The following GRM7 variants were observed in gnomAD, a reference collection of about 807,000 sequenced individuals.
GRM7 encodes metabotropic glutamate receptor 7.
A neutral mutation model predicts 84.5 loss-of-function variants in GRM7; 35 were observed. The ratio of observed to expected loss-of-function variants is 0.41; its 90% confidence interval spans 0.32 to 0.55. GRM7 has a LOEUF of 0.55. GRM7 is among the 20% of genes least tolerant of loss of function. The probability of loss-of-function intolerance (pLI) is 0.19; values close to 1 mark genes in which losing one functional copy is unlikely to be tolerated. For synonymous variants in GRM7, 487 were observed against 455.1 expected (o/e 1.07, Z -0.89); for missense variants, 1,003 against 1,194.6 (o/e 0.84, Z 2.36).
intron 1 of GRM7, among the ~76,000 whole-genome samples, chr3:7,005,974 G>T (rs1295976033): frequency 1.3e-5 from 2 of 152,080 alleles, no homozygotes; most frequent in African/African-American, 2.4e-5. Flanking sequence ...GTAACGAAGG[G>T]GATATAGCCA....
intron 8 of GRM7, among the ~76,000 whole-genome samples, chr3:7,606,548 G>T (rs545643322): frequency 2.0e-5 from 3 of 151,838 alleles, no homozygotes; most frequent in African/African-American, 7.3e-5. Flanking sequence ...TTTCTTTTTG[G>T]GGGGACAAGG....
rs1693091856 is a variant in GRM7 at position 7,117,936 on chromosome 3, T to C, written c.520-28516T>C. Among the ~76,000 whole-genome samples, 3 of 152,308 alleles carry C rather than the reference T, an allele frequency of 2.0e-5. No homozygotes were observed. In the South Asian group the frequency reaches 6.2e-4, roughly 32 times the overall value. On this transcript the variant is annotated intron_variant, in intron 1 of 9. Coordinates refer to ENST00000357716, the MANE Select transcript of GRM7 (RefSeq NM_000844.4). ...CATCTGAAGAACTATAGGACCATTTTGGTTTATCTTTTATCAAGTTCTGGG... is the reference window on the plus strand; with the variant it reads ...CATCTGAAGAACTATAGGACCATTTCGGTTTATCTTTTATCAAGTTCTGGG...
chr3:7,051,266 C>A (rs115656981), intron 1 of GRM7, among the ~76,000 whole-genome samples: 167 of 151,830 alleles, frequency 1.1e-3, no homozygotes, highest in African/African-American at 3.9e-3. Context: ...CTCATTTGAT[C>A]CTCACCACAG....
chr3:7,257,314 G>T (rs116606192), intron 2 of GRM7, among the ~76,000 whole-genome samples: 1,883 of 152,218 alleles, frequency 0.012, 43 homozygotes, highest in African/African-American at 0.043. Context: ...CACCCAGAAA[G>T]TTATTCTTGG....
At position 7,329,184 on chromosome 3, in the gene GRM7, C is replaced by T. The variant is rs146607711; in HGVS notation, c.1033+22532C>T. ...CCACAAAATCACTAGAGGAACATTC[C>T]GATGACAAATTTTCTCCTAAACCTT... On this transcript the variant is annotated intron_variant, in intron 4 of 9. Transcript: ENST00000357716. 7.9e-5 allele frequency among the ~76,000 whole-genome samples: 12 copies of T among 152,198 alleles called. 1 individual carries two copies. The highest frequency in any genetic ancestry group is 1.2e-4 in the African/African-American group (5 of 41,530).
intron 7 of GRM7, among the ~76,000 whole-genome samples, chr3:7,574,273 C>T (rs1163978280): frequency 6.6e-6 from 1 of 151,608 alleles, no homozygotes; most frequent in Non-Finnish European, 1.5e-5. Context: ...AATTCTCCTG[C>T]CTCAGCCTCC....
intron 1 of GRM7, among the ~76,000 whole-genome samples, chr3:6,891,331 T>C (rs537780395): frequency 6.6e-6 from 1 of 152,360 alleles, no homozygotes; most frequent in African/African-American, 2.4e-5. Context: ...CTGGCCTCGA[T>C]GGTCTTTACA....
rs59791922 is a variant in GRM7, at chr3:7,485,857, C to T, written c.1515+24135C>T. The stretch of plus-strand genomic sequence containing the variant: ...TGGATTAATAATTCATGTTCACAAA[C>T]TCTGTTCACATGTAAGAGTCAAGCT... On this transcript the variant is annotated intron_variant, in intron 7 of 9. Transcript: ENST00000357716. Among the ~76,000 whole-genome samples, 860 of 150,026 alleles carry T rather than the reference C, an allele frequency of 5.7e-3. 8 individuals carry two copies. The highest frequency in any genetic ancestry group is 0.021 in the African/African-American group (829 of 39,410).
chr3:7,024,503 G>A (rs1695902823), intron 1 of GRM7, among the ~76,000 whole-genome samples: 1 of 152,216 alleles, frequency 6.6e-6, no homozygotes, highest in South Asian at 2.1e-4. Flanking sequence ...TGTTTGAACT[G>A]GGCCTTGAAG....
chr3:7,339,479 A>G (rs1054952053), intron 4 of GRM7, among the ~76,000 whole-genome samples: 4 of 152,152 alleles, frequency 2.6e-5, no homozygotes, highest in Non-Finnish European at 4.4e-5. Context: ...GATAGAATCT[A>G]TAACACTCCC....
chr3:7,185,550 A>G (rs896285868), intron 2 of GRM7, among the ~76,000 whole-genome samples: 3 of 152,178 alleles, frequency 2.0e-5, no homozygotes, highest in African/African-American at 7.2e-5. Context: ...CTGCCAACCA[A>G]TGATGGTGAG....
chr3:7,491,470 C>T (rs945760216), intron 7 of GRM7, among the ~76,000 whole-genome samples: 1 of 151,482 alleles, frequency 6.6e-6, no homozygotes, highest in Non-Finnish European at 1.5e-5. Context: ...AAAGTAAGAT[C>T]CTCTGGTTTG....
intron 2 of GRM7, among the ~76,000 whole-genome samples, chr3:7,223,837 T>G (rs1175207122): frequency 6.6e-6 from 1 of 152,246 alleles, no homozygotes; most frequent in East Asian, 1.9e-4. Context: ...AGTTGCAGGC[T>G]GCTATGCAGA....
At chr3:7,317,523 C>T (rs1433201311) in intron 4 of GRM7, among the ~76,000 whole-genome samples, 1 of 152,042 alleles carries the variant, frequency 6.6e-6, no homozygotes, top group Non-Finnish European at 1.5e-5. Context: ...ATTCAATTTA[C>T]TTCTAGTCCT....
chr3:7,117,281 T>C (rs1693068160), intron 1 of GRM7, among the ~76,000 whole-genome samples: 1 of 152,152 alleles, frequency 6.6e-6, no homozygotes, highest in East Asian at 1.9e-4. Flanking sequence ...CAATTCAAGA[T>C]ACCCAATCTT....
chr3:7,517,977 G>A (rs886448580), intron 7 of GRM7, among the ~76,000 whole-genome samples: 13 of 152,194 alleles, frequency 8.5e-5, no homozygotes, highest in Non-Finnish European at 1.6e-4. Flanking sequence ...GTCGATGTGT[G>A]ATGTTTCACT....
chr3:7,443,542 G>T (rs749096779), intron 5 of GRM7, among the ~76,000 whole-genome samples: 19 of 151,390 alleles, frequency 1.3e-4, no homozygotes, highest in Non-Finnish European at 2.7e-4. Context: ...CTTGCCATTT[G>T]TCAAAACAGC....
At chr3:7,130,398 C>T (rs1189955642) in intron 1 of GRM7, among the ~76,000 whole-genome samples, 1 of 151,876 alleles carries the variant, frequency 6.6e-6, no homozygotes, top group East Asian at 1.9e-4. Context: ...AGAAAATTAG[C>T]CAGGTGTGGT....
intron 2 of GRM7, 83 bp downstream of exon 2, chr3:7,146,751 A>G: frequency 3.4e-6 from 3 of 883,750 alleles, no homozygotes; most frequent in Non-Finnish European, 5.5e-6. Context: ...CATTAAATAA[A>G]CACTACAGAC....
Sources: gnomAD v4.1 joint callset for allele counts (sites outside exome capture counted in the v4.1 genomes callset) on GRCh38, gnomAD v4.1.1 for gene constraint, MANE v1.5 for transcripts, NCBI Gene and HGNC (gene_info 2026-07-23, HGNC 2026-07-21) for gene names.